FETUB: variants seen among roughly 807,000 people sequenced by gnomAD.
FETUB encodes the protein fetuin-B.
In FETUB, 28 loss-of-function variants were observed where a neutral mutation model predicts 30.9. The ratio of observed to expected loss-of-function variants is 0.90; its 90% confidence interval spans 0.67 to 1.24. The LOEUF is 1.24. Ranked by LOEUF, FETUB falls within the 50% of genes most tolerant of loss-of-function variation. The pLI is 0.00. For missense variants in FETUB, 469 were observed against 455.3 expected, an observed-to-expected ratio of 1.03 and a Z score of -0.27; for synonymous variants, 186 against 175.9, an observed-to-expected ratio of 1.06 and a Z score of -0.45.
chr3:186,637,557 T>C (rs934146373), upstream of FETUB, among the ~76,000 whole-genome samples: 4 of 152,216 alleles, frequency 2.6e-5, no homozygotes, highest in Admixed American at 6.5e-5. Flanking sequence ...CACACCTGTG[T>C]CAGGAGGTGG....
chr3:186,643,864 C>A (rs1323376327), intron 3 of FETUB, among the ~76,000 whole-genome samples: 1 of 152,176 alleles, frequency 6.6e-6, no homozygotes, highest in East Asian at 1.9e-4. Flanking sequence ...GCTTATTGAC[C>A]TCAGCTCCTC....
intron 5 of FETUB, among the ~76,000 whole-genome samples, chr3:186,648,175 G>A (rs2108537910): frequency 6.6e-6 from 1 of 152,254 alleles, no homozygotes; most frequent in Non-Finnish European, 1.5e-5. Context: ...ACGGTGTGAG[G>A]CAGGGAGTTC....
intron 6 of FETUB, chr3:186,651,559 T>A: frequency 2.2e-6 from 1 of 448,568 alleles, no homozygotes. Flanking sequence ...TTCAAGCCTC[T>A]GAGACATTAA....
Position 186,640,497 on chromosome 3 carries a change from G to C in FETUB, c.37G>C (p.Val13Leu). The C allele has an allele frequency of 6.2e-7, 1 of 1,614,162 alleles. No homozygotes were observed. Among genetic ancestry groups the C allele is most frequent in the South Asian group, 1.1e-5 (1 of 91,076 alleles). ...CCTTCCCCTGGCACTCTGCATCCTAGTCCTGTGCTGCGGAGCAATGTCTCC... is the reference window on the plus strand; with the variant it reads ...CCTTCCCCTGGCACTCTGCATCCTACTCCTGTGCTGCGGAGCAATGTCTCC... ...LLLPLALCIL[V>L]LCCGAMSPPQ... The change falls in exon 1 of 7, where the codon GTC becomes CTC. Residue 13 changes from valine (V) to leucine (L), a missense_variant. Transcript: ENST00000265029.
In FETUB at chr3:186,651,261, A is replaced by G. The variant is rs748675931; in HGVS notation, c.740A>G (p.Glu247Gly). 1.1e-5 allele frequency: 17 copies of G among 1,613,610 alleles called. No individual in the cohort carries two copies. In the South Asian group the frequency reaches 1.9e-4, roughly 18 times the overall value. Residue 247 changes from glutamate (E) to glycine (G), a missense_variant, in exon 6 of 7, where the codon GAA becomes GGA. Glu to Gly is a moderately conservative substitution (Grantham distance 98). Coordinates refer to ENST00000265029, the MANE Select transcript of FETUB (RefSeq NM_014375.3). ...CKGSLTRTHW[E>G]KFVSVTCDFF... ...GGTTCTCTGACTCGAACACACTGGGAAAAGTTTGTCTCTGTGACTTGTGAC... is the reference window on the plus strand; with the variant it reads ...GGTTCTCTGACTCGAACACACTGGGGAAAGTTTGTCTCTGTGACTTGTGAC...
At position 186,652,422 on chromosome 3, in the gene FETUB, A is replaced by C; in HGVS notation, c.940A>C (p.Asn314His). ...VQYLPDLDDK[N>H]SQEKGPQEAF... ...ATATCTTCCTGACTTGGATGATAAA[A>C]ATTCCCAGGAAAAGGGCCCTCAGGA... is the stretch of plus-strand genomic sequence containing the variant. Residue 314 changes from asparagine (N) to histidine (H), a missense_variant, in exon 7 of 7, where the codon AAT becomes CAT. Coordinates refer to ENST00000265029, the MANE Select transcript of FETUB (RefSeq NM_014375.3). 6.2e-7 allele frequency: 1 copy of C among 1,613,938 alleles called. No individual in the cohort carries two copies. Among genetic ancestry groups the C allele is most frequent in the Non-Finnish European group, 8.5e-7 (1 of 1,179,956 alleles).
At chr3:186,636,175 T>A (rs1421851753), upstream of FETUB, 1 of 152,330 alleles carries the variant, frequency 6.6e-6, no homozygotes, top group Non-Finnish European at 1.5e-5. Flanking sequence ...GCTGCTTCCC[T>A]GAGAGGACTG....
At chr3:186,649,685 G>T (rs1316758243) in intron 5 of FETUB, among the ~76,000 whole-genome samples, 1 of 152,118 alleles carries the variant, frequency 6.6e-6, no homozygotes, top group Non-Finnish European at 1.5e-5. Context: ...TGACCAGGCT[G>T]GTCTCGAACT....
intron 6 of FETUB, among the ~76,000 whole-genome samples, 191 bp from the exon 7 acceptor site, chr3:186,652,072 C>A (rs1204828863): frequency 2.6e-5 from 4 of 152,162 alleles, no homozygotes. Context: ...CACAGTCAAG[C>A]TTCTACAGGT....
Position 186,652,470 on chromosome 3 carries a change from C to T in FETUB, c.988C>T (p.Leu330=). Residue 330 remains leucine, a synonymous_variant, in exon 7 of 7, where the codon CTA becomes TTA. Transcript: ENST00000265029. ...PQEAFPVHLD[L]TTNPQGETLD... is the part of the protein sequence containing the mutation. ...GGAGGCCTTTCCTGTGCATCTGGACCTAACCACGAATCCCCAGGGAGAAAC... is the reference window on the plus strand; with the variant it reads ...GGAGGCCTTTCCTGTGCATCTGGACTTAACCACGAATCCCCAGGGAGAAAC... 1.2e-6 allele frequency: 2 copies of T among 1,614,174 alleles called. No homozygotes were observed. The highest frequency in any genetic ancestry group is 1.7e-6 in the Non-Finnish European group (2 of 1,180,038).
Position 186,644,744 on chromosome 3 carries a change from T to A in FETUB, c.425-7T>A. The stretch of plus-strand genomic sequence containing the variant: ...CATTTAAAAACTTATGTTATTGGCA[T>A]CAACAGTTTCAAAAAAAAAGATTTA... On this transcript the variant is annotated splice_region_variant and splice_polypyrimidine_tract_variant and intron_variant, in intron 3 of 6. Transcript: ENST00000265029. 1 of 1,590,658 alleles carries A rather than the reference T, an allele frequency of 6.3e-7. No homozygotes were observed. Among genetic ancestry groups the A allele is most frequent in the Non-Finnish European group, 8.5e-7 (1 of 1,171,960 alleles).
chr3:186,645,755 TCTCA>T (rs1717463502), intron 4 of FETUB, among the ~76,000 whole-genome samples: 1 of 125,830 alleles, frequency 7.9e-6, no homozygotes, highest in Non-Finnish European at 1.6e-5. Flanking sequence ...TGAGACGGAG[TCTCA>T]CTCTATCGCT....
chr3:186,651,276 T>A lies in FETUB; in HGVS notation c.755T>A (p.Val252Glu), dbSNP rs145235667. The part of the protein sequence containing the change: ...TRTHWEKFVS[V>E]TCDFFESQAP... ...ACACACTGGGAAAAGTTTGTCTCTG[T>A]GACTTGTGACTTCTTTGAATCACAG... is the stretch of plus-strand genomic sequence containing the variant. The change falls in exon 6 of 7, where the codon GTG becomes GAG. Residue 252 changes from valine to glutamate, a missense_variant. By Grantham distance (121) the Val-to-Glu change is moderately radical. Transcript: ENST00000265029. The A allele has an allele frequency of 1.1e-4, 183 of 1,612,530 alleles. No homozygotes were observed. The African/African-American group carries it at 2.3e-3, about 20-fold the overall frequency.
chr3:186,642,255 C>T (rs138065735), intron 2 of FETUB: 3 of 522,196 alleles, frequency 5.7e-6, no homozygotes, highest in Non-Finnish European at 1.0e-5. Context: ...TACACAGTCA[C>T]ACGTGTTGGG....
chr3:186,640,936 T>C (rs1716997398), intron 1 of FETUB, 94 bp from the exon 2 acceptor site: 1 of 789,314 alleles, frequency 1.3e-6, no homozygotes, highest in African/African-American at 1.7e-5. Context: ...CAAATATTCT[T>C]TGGCTTTGCC....
Position 186,646,244 on chromosome 3 carries a change from A to G in FETUB, c.595-4A>G. 6.2e-7 allele frequency: 1 copy of G among 1,606,770 alleles called. No individual in the cohort carries two copies. The highest frequency in any genetic ancestry group is 8.5e-7 in the Non-Finnish European group (1 of 1,173,642). On this transcript the variant is annotated splice_region_variant and splice_polypyrimidine_tract_variant and intron_variant, in intron 4 of 6. Transcript: ENST00000265029. ...TTTATGTCTCAACTCTTGTCTCATA[A>G]CAGTGGGTGGTCGGCCCTTCTTACT...
At position 186,640,677 on chromosome 3, in the gene FETUB, T is replaced by C. The variant is rs1560019209; in HGVS notation, c.217T>C (p.Tyr73His). The C allele has an allele frequency of 6.8e-6, 11 of 1,613,376 alleles. No individual in the cohort carries two copies. Among genetic ancestry groups the C allele is most frequent in the Non-Finnish European group, 9.3e-6 (11 of 1,179,432 alleles). The change falls in exon 1 of 7, where the codon TAC becomes CAC. Residue 73 changes from tyrosine (Y) to histidine (H), a missense_variant. Tyr to His is a moderately conservative substitution (Grantham distance 83). Transcript: ENST00000265029. The stretch of plus-strand genomic sequence containing the variant: ...CAACCGAGTGAACGACGCCCAGGAA[T>C]ACAGACGGGCAAGTAGGGACAGTTC... ...RLNRVNDAQE[Y>H]RRGGLGSLFY...
At chr3:186,646,457 T>C (rs1717553880) in intron 5 of FETUB, 108 bp downstream of exon 5, 1 of 825,438 alleles carries the variant, frequency 1.2e-6, no homozygotes, top group African/African-American at 1.7e-5. Flanking sequence ...GATGCTTTTC[T>C]TCCCCTCAAG....
rs1213486655 is a variant in FETUB, at chr3:186,652,785, AAAT to A, written c.*158_*160del. 3.4e-6 allele frequency: 3 copies of A among 883,042 alleles called. No individual in the cohort carries two copies. Among genetic ancestry groups the A allele is most frequent in the African/African-American group, 3.4e-5 (2 of 59,140 alleles). 54.7% of individuals were successfully genotyped at this position (883,042 alleles called of 1,614,324 possible). On this transcript the variant is annotated 3_prime_UTR_variant, in exon 7 of 7. Transcript: ENST00000265029. ...GTCTCAGCATGTTGACTGGGATTGG[AAAT>A]AATGAGACTGAGCCCTCGGCTTGGG...
Sources: gnomAD v4.1 joint callset for allele counts (sites outside exome capture counted in the v4.1 genomes callset) on GRCh38, gnomAD v4.1.1 for gene constraint, MANE v1.5 for transcripts, NCBI Gene and HGNC (gene_info 2026-07-23, HGNC 2026-07-21) for gene names.